SFXN3: variants seen among roughly 807,000 people sequenced by gnomAD.
SFXN3 encodes the protein sideroflexin 3.
Under a neutral mutation model 40.4 loss-of-function variants are expected in SFXN3, and 31 were observed. The observed-to-expected ratio is 0.77, with a 90% CI of 0.58 to 1.04. The LOEUF is 1.04. Among genes scored for constraint, SFXN3 ranks in the 50% least tolerant of loss-of-function variants. The probability of loss-of-function intolerance (pLI) is 0.00; values close to 1 mark genes in which losing one functional copy is unlikely to be tolerated. For synonymous variants in SFXN3, 157 were observed against 160.0 expected (o/e 0.98, Z 0.14); for missense variants, 366 against 408.2 (o/e 0.90, Z 0.89).
Position 101,039,414 on chromosome 10 carries a change from G to A in SFXN3, c.870-75G>A, listed in dbSNP as rs1590089201. 1.1e-5 allele frequency: 15 copies of A among 1,400,552 alleles called. No individual in the cohort carries two copies. The East Asian group carries it at 3.4e-4, about 32-fold the overall frequency. 86.8% of individuals were successfully genotyped at this position (1,400,552 alleles called of 1,614,324 possible). A position where few individuals can be genotyped will look rare whatever the true frequency, so the allele number is the denominator to read the frequency against. ...AGAGGATTTTTCAGCCTGGGAGGAG[G>A]TGGGATGGCAATCCCTGGGCCTGAG... On this transcript the variant is annotated intron_variant, in intron 11 of 11. Transcript: ENST00000393459. The surrounding 1 kb of genome is among the most constrained non-coding windows in gnomAD (Gnocchi z 4.6).
rs1938716916 is a variant in SFXN3 at position 101,038,297 on chromosome 10, T to C, written c.772-346T>C. On this transcript the variant is annotated intron_variant, in intron 9 of 11. Transcript: ENST00000393459. Reference sequence around the variant, plus strand: ...TTGGAAAGGGTCAGATTCATGCCACTGGGATGGGAAGAGGTAAGTGGAGGT... The same window carrying C: ...TTGGAAAGGGTCAGATTCATGCCACCGGGATGGGAAGAGGTAAGTGGAGGT... 4 of 1,229,842 alleles carry C rather than the reference T, an allele frequency of 3.3e-6. No individual in the cohort carries two copies. In the South Asian group the frequency reaches 8.0e-5, roughly 25 times the overall value. 76.2% of individuals were successfully genotyped at this position (1,229,842 alleles called of 1,614,324 possible).
At position 101,036,345 on chromosome 10, in the gene SFXN3, C is replaced by A; in HGVS notation, c.432-141C>A. The A allele has an allele frequency of 1.2e-6, 1 of 856,056 alleles. No homozygotes were observed. Among genetic ancestry groups the A allele is most frequent in the Non-Finnish European group, 1.9e-6 (1 of 539,912 alleles). The allele number at this position is 856,056 out of a possible 1,614,324, so 53.0% of individuals were successfully genotyped here. A position where few individuals can be genotyped will look rare whatever the true frequency, so the allele number is the denominator to read the frequency against. On this transcript the variant is annotated intron_variant, in intron 5 of 11. Transcript: ENST00000393459. The surrounding 1 kb of genome is among the most constrained non-coding windows in gnomAD (Gnocchi z 4.2). ...ACTGGGGCTTCTAGACAAGTTTACG[C>A]CGGAGATGGAGGGAAGGCTTCTTCT... is the stretch of plus-strand genomic sequence containing the variant.
intron 9 of SFXN3, 60 bp downstream of exon 9, chr10:101,037,491 C>T: frequency 6.2e-7 from 1 of 1,613,750 alleles, no homozygotes; most frequent in Non-Finnish European, 8.5e-7. Flanking sequence ...GTGACCAGGC[C>T]CCAACTCTCT....
Position 101,039,487 on chromosome 10 carries a change from A to G in SFXN3, c.870-2A>G. 1 of 1,613,958 alleles carries G rather than the reference A, an allele frequency of 6.2e-7. No homozygotes were observed. The highest frequency in any genetic ancestry group is 8.5e-7 in the Non-Finnish European group (1 of 1,179,848). On this transcript the variant is annotated splice_acceptor_variant, in intron 11 of 11. Transcript: ENST00000393459. LOFTEE classifies it high-confidence loss of function. This position sits in a 1 kb window ranked among gnomAD's most constrained non-coding sequence, Gnocchi z 4.6. ...TAACTGGCCTGTGCTGTTCTATTGCAGCTCCATACACATAAGCAACCTGGA... is the reference window on the plus strand; with the variant it reads ...TAACTGGCCTGTGCTGTTCTATTGCGGCTCCATACACATAAGCAACCTGGA...
intron 10 of SFXN3, 28 bp downstream of exon 10, chr10:101,038,720 GT>G: frequency 6.2e-7 from 1 of 1,606,110 alleles, no homozygotes; most frequent in Non-Finnish European, 8.5e-7. Flanking sequence ...TAGCTGGGGT[GT>G]GTGGGAGTGC....
chr10:101,036,895 C>G lies in SFXN3; in HGVS notation c.593+87C>G. The G allele has an allele frequency of 1.3e-6, 2 of 1,543,664 alleles. No individual in the cohort carries two copies. Among genetic ancestry groups the G allele is most frequent in the East Asian group, 2.3e-5 (1 of 42,948 alleles). ...AGACCACCTCAGAATGGGGACATCCCTCTCCCTCCCCAGACATGAGCTGCT... is the reference window on the plus strand; with the variant it reads ...AGACCACCTCAGAATGGGGACATCCGTCTCCCTCCCCAGACATGAGCTGCT... On this transcript the variant is annotated intron_variant, in intron 7 of 11. Coordinates refer to ENST00000393459, the Ensembl canonical transcript of SFXN3. This position sits in a 1 kb window ranked among gnomAD's most constrained non-coding sequence, Gnocchi z 4.2.
Position 101,039,200 on chromosome 10 carries a change from T to C in SFXN3, c.847T>C (p.Cys283Arg). The change falls in exon 11 of 12, where the codon TGT becomes CGT. Residue 283 changes from cysteine (C) to arginine (R), a missense_variant. By Grantham distance (180) the Cys-to-Arg change is radical. Coordinates refer to ENST00000393459, the Ensembl canonical transcript of SFXN3. The surrounding 1 kb of genome is among the most constrained non-coding windows in gnomAD (Gnocchi z 4.6). Reference sequence around the variant, plus strand: ...CCTGGTATTTGCAACCCCCCTGTGCTGTGCCCTATTCCCCCAGAAGAGGTA... The same window carrying C: ...CCTGGTATTTGCAACCCCCCTGTGCCGTGCCCTATTCCCCCAGAAGAGGTA... 1 of 1,608,380 alleles carries C rather than the reference T, an allele frequency of 6.2e-7. No individual in the cohort carries two copies. Among genetic ancestry groups the C allele is most frequent in the Non-Finnish European group, 8.5e-7 (1 of 1,177,320 alleles).
At chr10:101,037,405 A>G (rs747268089) in exon 9 of SFXN3, 1 of 1,613,980 alleles carries the variant, frequency 6.2e-7, no homozygotes, top group Admixed American at 1.7e-5. Flanking sequence ...GATCATGGAC[A>G]CTCTGGAGAA....
chr10:101,034,679 C>A lies in SFXN3; in HGVS notation c.-3-13C>A. 1 of 1,613,600 alleles carries A rather than the reference C, an allele frequency of 6.2e-7. No homozygotes were observed. The highest frequency in any genetic ancestry group is 8.5e-7 in the Non-Finnish European group (1 of 1,179,688). On this transcript the variant is annotated splice_polypyrimidine_tract_variant and intron_variant, in intron 2 of 11. Coordinates refer to ENST00000393459, the Ensembl canonical transcript of SFXN3. ...CTTGGACTCCCGCTCTGACCCTTATCTCTGTCCTGCAGAAAATGGGTGAAT... is the reference window on the plus strand; with the variant it reads ...CTTGGACTCCCGCTCTGACCCTTATATCTGTCCTGCAGAAAATGGGTGAAT...
chr10:101,035,826 C>G, intron 4 of SFXN3, 159 bp downstream of exon 4: 1 of 1,163,634 alleles, frequency 8.6e-7, no homozygotes, highest in Non-Finnish European at 1.2e-6. Flanking sequence ...ACCCCAGAGA[C>G]AGTAGGTGTG....
intron 9 of SFXN3, chr10:101,037,765 C>T (rs1938692920): frequency 2.4e-6 from 3 of 1,243,784 alleles, no homozygotes; most frequent in African/African-American, 3.0e-5. Flanking sequence ...GAGAGGTACA[C>T]ACGGGTGAAC....
chr10:101,034,696 T>C, exon 3 of SFXN3: 1 of 1,613,910 alleles, frequency 6.2e-7, no homozygotes, highest in Middle Eastern at 1.7e-4. Flanking sequence ...CTGCAGAAAA[T>C]GGGTGAATTG....
chr10:101,031,402 C>T (rs1026104502), exon 1 of SFXN3: 3 of 152,388 alleles, frequency 2.0e-5, no homozygotes, highest in African/African-American at 7.2e-5. Flanking sequence ...TTCTCTGAGC[C>T]GAGCCAGCTA....
Position 101,038,213 on chromosome 10 carries a change from C to G in SFXN3, c.772-430C>G. 3 of 1,007,506 alleles carry G rather than the reference C, an allele frequency of 3.0e-6. No homozygotes were observed. In the South Asian group the frequency reaches 8.9e-5, roughly 30 times the overall value. 62.4% of individuals were successfully genotyped at this position (1,007,506 alleles called of 1,614,324 possible). ...AGGAGGGGCTTGCACATTTGAGGAA[C>G]AGGTTGGTGGTCCCTGTGGCCAGAG... On this transcript the variant is annotated intron_variant, in intron 9 of 11. Coordinates refer to ENST00000393459, the Ensembl canonical transcript of SFXN3.
chr10:101,037,729 C>T (rs1938690923), intron 9 of SFXN3: 1 of 1,346,004 alleles, frequency 7.4e-7, no homozygotes, highest in Non-Finnish European at 9.6e-7. Flanking sequence ...CATGCTCATT[C>T]TTTTACCCCC....
At chr10:101,031,875 C>A (rs1288902127) in intron 1 of SFXN3, among the ~76,000 whole-genome samples, 1 of 152,020 alleles carries the variant, frequency 6.6e-6, no homozygotes, top group Non-Finnish European at 1.5e-5. Flanking sequence ...GGCACAGGCA[C>A]GACAGGAACG....
chr10:101,034,667 T>C, intron 2 of SFXN3, 25 bp from the exon 3 acceptor site: 1 of 1,612,664 alleles, frequency 6.2e-7, no homozygotes, highest in Non-Finnish European at 8.5e-7. Context: ...GGACTCCCGC[T>C]CTGACCCTTA....
chr10:101,036,766 T>C lies in SFXN3; in HGVS notation c.551T>C (p.Val184Ala), dbSNP rs778505028. The C allele has an allele frequency of 6.2e-7, 1 of 1,613,714 alleles. No individual in the cohort carries two copies. Among genetic ancestry groups the C allele is most frequent in the African/African-American group, 1.3e-5 (1 of 74,912 alleles). Residue 184 changes from valine to alanine, a missense_variant, in exon 7 of 12, where the codon GTG (valine) becomes GCG (alanine). Transcript: ENST00000393459. This position sits in a 1 kb window ranked among gnomAD's most constrained non-coding sequence, Gnocchi z 4.2. The stretch of plus-strand genomic sequence containing the variant: ...GGCAGATTTGTGCCCTTTGCAGCAG[T>C]GGCAGCTGCCAACTGCATCAACATC...
At chr10:101,035,162 T>C (rs866244493) in intron 3 of SFXN3, among the ~76,000 whole-genome samples, 4 of 152,192 alleles carry the variant, frequency 2.6e-5, no homozygotes, top group African/African-American at 7.2e-5. Flanking sequence ...CCCAGGAAGA[T>C]AGGAGGGAAA....
Sources: gnomAD v4.1 joint callset for allele counts (sites outside exome capture counted in the v4.1 genomes callset) on GRCh38, gnomAD v4.1.1 for gene constraint, Gnocchi (gnomAD v3.1) non-coding constraint, MANE v1.5 for transcripts, NCBI Gene and HGNC (gene_info 2026-07-23, HGNC 2026-07-21) for gene names.